Variants in HERC3 observed in about 807,000 individuals in gnomAD.
HERC3 encodes HECT and RLD domain containing E3 ubiquitin protein ligase 3, also known as probable E3 ubiquitin-protein ligase HERC3.
A neutral mutation model predicts 129.9 loss-of-function variants in HERC3; 58 were observed. The ratio of observed to expected loss-of-function variants is 0.45; its 90% CI spans 0.36 to 0.56. The LOEUF is 0.56. HERC3 is among the 20% of genes least tolerant of loss of function. HERC3 has a pLI of 0.00. For missense variants in HERC3, 835 were observed against 1,244.2 expected (o/e 0.67, Z 4.95); for synonymous variants, 430 against 451.0 (o/e 0.95, Z 0.59).
chr4:88,643,999 AG>A (rs1351070048), intron 3 of HERC3, among the ~76,000 whole-genome samples: 5 of 152,226 alleles, frequency 3.3e-5, no homozygotes, highest in African/African-American at 1.2e-4. Flanking sequence ...TTATCCAAAG[AG>A]GATGGATGGC....
the HERC3 span, among the ~76,000 whole-genome samples, chr4:88,542,522 G>A: frequency 1.2e-4 from 19 of 152,294 alleles, no homozygotes; most frequent in African/African-American, 4.6e-4. Context: ...AGAGGAGCTG[G>A]TACCATTCCT....
At chr4:88,668,592 C>T (rs1731282495) in intron 14 of HERC3, 2 of 154,814 alleles carry the variant, frequency 1.3e-5, no homozygotes, top group African/African-American at 4.8e-5. Context: ...GAGATAAAAA[C>T]CTTCCATTCC....
chr4:88,572,740 C>A, the HERC3 span, among the ~76,000 whole-genome samples: 1 of 150,224 alleles, frequency 6.7e-6, no homozygotes, highest in South Asian at 2.1e-4. Flanking sequence ...ACTCAGGAGG[C>A]GGAGGTTGCA....
intron 21 of HERC3, among the ~76,000 whole-genome samples, chr4:88,686,411 A>G (rs748898799): frequency 4.6e-5 from 7 of 152,312 alleles, no homozygotes; most frequent in Middle Eastern, 6.8e-3. Context: ...CCTCATTTAT[A>G]TGTATACACA....
chr4:88,683,273 G>A (rs1733010569), intron 21 of HERC3, among the ~76,000 whole-genome samples: 1 of 152,076 alleles, frequency 6.6e-6, no homozygotes, highest in East Asian at 1.9e-4. Flanking sequence ...AACTTTAACG[G>A]GAGGGAACAT....
intron 3 of HERC3, among the ~76,000 whole-genome samples, chr4:88,629,336 C>T (rs2924928): frequency 0.052 from 7,854 of 152,130 alleles, 538 homozygotes; most frequent in East Asian, 0.27. Flanking sequence ...CAGTATTTTT[C>T]TTAACAGCAA....
At chr4:88,638,339 C>T (rs1248385217) in intron 3 of HERC3, among the ~76,000 whole-genome samples, 9 of 152,124 alleles carry the variant, frequency 5.9e-5, no homozygotes, top group Non-Finnish European at 1.3e-4. Flanking sequence ...TGTGAAAATC[C>T]TCAATAAAAT....
chr4:88,703,825 G>GC (rs781301862), intron 23 of HERC3, among the ~76,000 whole-genome samples: 22 of 152,280 alleles, frequency 1.4e-4, no homozygotes, highest in Admixed American at 1.2e-3. Context: ...CTCAGGTAAA[G>GC]CCAGTAGTTT....
At chr4:88,551,879 A>G in the HERC3 span, among the ~76,000 whole-genome samples, 1 of 152,188 alleles carries the variant, frequency 6.6e-6, no homozygotes, top group Non-Finnish European at 1.5e-5. Context: ...GACTTGGAAC[A>G]AACCCAAATG....
upstream of HERC3, among the ~76,000 whole-genome samples, chr4:88,589,139 G>T (rs1721600488): frequency 6.6e-6 from 1 of 152,082 alleles, no homozygotes; most frequent in Non-Finnish European, 1.5e-5. Context: ...ATCCAGGCTG[G>T]AGTGCAGTGG....
intron 3 of HERC3, among the ~76,000 whole-genome samples, chr4:88,612,170 T>C (rs1284881444): frequency 6.6e-6 from 1 of 152,174 alleles, no homozygotes; most frequent in South Asian, 2.1e-4. Flanking sequence ...AGATCCTTTT[T>C]TTCCTTCTTA....
intron 19 of HERC3, among the ~76,000 whole-genome samples, chr4:88,679,888 T>C (rs1732582519): frequency 6.6e-6 from 1 of 152,192 alleles, no homozygotes; most frequent in Non-Finnish European, 1.5e-5. Flanking sequence ...AAGCACCTAG[T>C]AAAAATTGTA....
At chr4:88,697,915 GCTTCC>G (rs945835269) in intron 23 of HERC3, 1 of 922,808 alleles carries the variant, frequency 1.1e-6, no homozygotes, top group African/African-American at 1.7e-5. Context: ...CACTTGACTG[GCTTCC>G]CACTATCAGC....
At chr4:88,555,590 A>G in the HERC3 span, among the ~76,000 whole-genome samples, 6 of 152,228 alleles carry the variant, frequency 3.9e-5, no homozygotes, top group Admixed American at 1.3e-4. Flanking sequence ...TTGCTATAAA[A>G]GGTTCTTTTA....
chr4:88,545,988 G>GA, the HERC3 span, among the ~76,000 whole-genome samples: 1 of 151,888 alleles, frequency 6.6e-6, no homozygotes, highest in Non-Finnish European at 1.5e-5. Flanking sequence ...GCTCTTTAGG[G>GA]AAAAAAATCA....
Position 88,630,551 on chromosome 4 carries a change from G to T in HERC3, c.227-19289G>T, listed in dbSNP as rs73844048. 3.0e-3 allele frequency among the ~76,000 whole-genome samples: 460 copies of T among 152,306 alleles called. 4 individuals are homozygous for T. Among genetic ancestry groups the T allele is most frequent in the African/African-American group, 0.01 (433 of 41,562 alleles). On this transcript the variant is annotated intron_variant, in intron 3 of 25. Coordinates refer to ENST00000402738, the MANE Select transcript of HERC3 (RefSeq NM_014606.3). ...GCAGGCCGTGGTTGTATGGAAGCCG[G>T]TGCTGTAGTTTTACAGAAAAGGAAA... is the stretch of plus-strand genomic sequence containing the variant.
chr4:88,525,716 A>G, the HERC3 span, among the ~76,000 whole-genome samples: 1 of 152,236 alleles, frequency 6.6e-6, no homozygotes, highest in Non-Finnish European at 1.5e-5. Context: ...ATATGAATGT[A>G]TGACTATCAC....
Position 88,682,741 on chromosome 4 carries a change from A to G in HERC3, c.2507+1416A>G, listed in dbSNP as rs1402808477. 3.3e-5 allele frequency among the ~76,000 whole-genome samples: 5 copies of G among 152,114 alleles called. No individual in the cohort carries two copies. The East Asian group carries it at 9.7e-4, about 29-fold the overall frequency. On this transcript the variant is annotated intron_variant, in intron 21 of 25. Coordinates refer to ENST00000402738, the MANE Select transcript of HERC3 (RefSeq NM_014606.3). Reference sequence around the variant, plus strand: ...CTATCATTGTTGGACATTTGGGTTGATTCCAAGTCTTTGCTATTGTGAATA... The same window carrying G: ...CTATCATTGTTGGACATTTGGGTTGGTTCCAAGTCTTTGCTATTGTGAATA...
At chr4:88,610,388 G>A (rs1233080411) in intron 3 of HERC3, among the ~76,000 whole-genome samples, 1 of 151,524 alleles carries the variant, frequency 6.6e-6, no homozygotes, top group Non-Finnish European at 1.5e-5. Context: ...GGGAGGCAGA[G>A]GTTGCAGTGA....
Sources: allele counts gnomAD v4.1 joint callset (sites outside exome capture counted in the v4.1 genomes callset), GRCh38; gene constraint gnomAD v4.1.1; transcripts MANE v1.5; gene names NCBI Gene and HGNC (gene_info 2026-07-23, HGNC 2026-07-21).